Variants in OR2M3 observed in about 807,000 individuals in gnomAD.
OR2M3 encodes the protein olfactory receptor family 2 subfamily M member 3.
In OR2M3, 1 loss-of-function variant was observed where a neutral mutation model predicts 4.3. The observed-to-expected ratio is 0.23, with a 90% CI of 0.08 to 1.11. The LOEUF is 1.11. Among genes scored for constraint, OR2M3 ranks in the 50% most tolerant of loss-of-function variants. The pLI is 0.54. For synonymous variants in OR2M3, 151 were observed against 139.4 expected (o/e 1.08, Z -0.59); for missense variants, 410 against 390.4 (o/e 1.05, Z -0.42).
intron 1 of OR2M3, among the ~76,000 whole-genome samples, chr1:248,202,281 TC>T (rs1057446411): frequency 9.7e-6 from 1 of 103,118 alleles, no homozygotes; most frequent in Non-Finnish European, 2.4e-5. Flanking sequence ...CACACGGTAA[TC>T]CCCAGTGTCT....
chr1:248,200,923 T>C (rs2103013267), intron 1 of OR2M3, among the ~76,000 whole-genome samples: 1 of 152,298 alleles, frequency 6.6e-6, no homozygotes, highest in Middle Eastern at 3.4e-3. Context: ...TCCCTTGCTC[T>C]TCCTAGATTA....
Position 248,207,225 on chromosome 1 carries a change from T to C in OR2M3, c.*3219T>C, listed in dbSNP as rs574781725. 2 of 152,204 alleles carry C rather than the reference T, an allele frequency of 1.3e-5. No individual in the cohort carries two copies. Among genetic ancestry groups the C allele is most frequent in the South Asian group, 4.1e-4 (2 of 4,830 alleles). 9.4% of individuals were successfully genotyped at this position (152,204 alleles called of 1,614,324 possible). On this transcript the variant is annotated 3_prime_UTR_variant, in exon 2 of 2. Transcript: ENST00000641626. The stretch of plus-strand genomic sequence containing the variant: ...CTTTTTTGGTTAATCTTGCTAATGG[T>C]CTATCAACTTTATTCGTCTTTTTAA...
Position 248,212,259 on chromosome 1 carries a change from T to G in OR2M3, c.*8253T>G, listed in dbSNP as rs915415150. 3.3e-5 allele frequency: 5 copies of G among 152,144 alleles called. 1 individual carries two copies. The South Asian group carries it at 1.0e-3, about 32-fold the overall frequency. The allele number at this position is 152,144 out of a possible 1,614,324, so 9.4% of individuals were successfully genotyped here. On this transcript the variant is annotated 3_prime_UTR_variant, in exon 2 of 2. Transcript: ENST00000641626. ...ATTAATTCATAATGCTATACATTAA[T>G]GACTCTAGAATATGCATCACAACCA...
At chr1:248,201,314 T>A (rs1326360386) in intron 1 of OR2M3, among the ~76,000 whole-genome samples, 2 of 152,130 alleles carry the variant, frequency 1.3e-5, no homozygotes, top group Non-Finnish European at 2.9e-5. Context: ...ACTTCCTCAG[T>A]GTCTTTGCCA....
At position 248,203,458 on chromosome 1, in the gene OR2M3, A is replaced by T; in HGVS notation, c.391A>T (p.Arg131Ter). Residue 131 changes from arginine (R) to a stop codon, truncating the protein, a stop_gained, in exon 2 of 2, where the codon AGA becomes TGA. Transcript: ENST00000641626. LOFTEE classifies it low-confidence loss of function (END_TRUNC). ...CTACACTGCCATTTGCCACCCTCTAAGATACACCAATCTCATGAGCCCTAA... is the reference window on the plus strand; with the variant it reads ...CTACACTGCCATTTGCCACCCTCTATGATACACCAATCTCATGAGCCCTAA... ...DRYTAICHPL[R>*]YTNLMSPKIC... 6.2e-7 allele frequency: 1 copy of T among 1,613,870 alleles called. No individual in the cohort carries two copies. The highest frequency in any genetic ancestry group is 8.5e-7 in the Non-Finnish European group (1 of 1,179,904).
Position 248,202,200 on chromosome 1 carries a change from C to A in OR2M3, c.-18-850C>A, listed in dbSNP as rs374414406. 2.6e-5 allele frequency among the ~76,000 whole-genome samples: 4 copies of A among 152,232 alleles called. No individual in the cohort carries two copies. The East Asian group carries it at 7.7e-4, about 29-fold the overall frequency. ...CTGTCCCATTCCTCTCTCCCAGGTT[C>A]TTGTCATAACTAACAGTTGTTGACA... On this transcript the variant is annotated intron_variant, in intron 1 of 1. Coordinates refer to ENST00000641626, the MANE Select transcript of OR2M3 (RefSeq NM_001004689.2).
Position 248,205,861 on chromosome 1 carries a change from T to C in OR2M3, c.*1855T>C, listed in dbSNP as rs969543949. 5 of 152,158 alleles carry C rather than the reference T, an allele frequency of 3.3e-5. No individual in the cohort carries two copies. In the East Asian group the frequency reaches 9.6e-4, roughly 29 times the overall value. The allele number at this position is 152,158 out of a possible 1,614,324, so 9.4% of individuals were successfully genotyped here. A position where few individuals can be genotyped will look rare whatever the true frequency, so the allele number is the denominator to read the frequency against. Reference sequence around the variant, plus strand: ...ATATTTTAGTGGGAATTGCATTGAATTTGTAAATTGCTTTTGGCAGCATGG... The same window carrying C: ...ATATTTTAGTGGGAATTGCATTGAACTTGTAAATTGCTTTTGGCAGCATGG... On this transcript the variant is annotated 3_prime_UTR_variant, in exon 2 of 2. Coordinates refer to ENST00000641626, the MANE Select transcript of OR2M3 (RefSeq NM_001004689.2).
In OR2M3 at chr1:248,203,839, A is replaced by G. The variant is rs751136783; in HGVS notation, c.772A>G (p.Met258Val). ...AATGTACTATGGAGCAGCTTTGTTC[A>G]TGTACATACGGCCCACATCTGATCG... The part of the protein sequence containing the change: ...VGMYYGAALF[M>V]YIRPTSDRSP... Residue 258 changes from methionine to valine, a missense_variant, in exon 2 of 2, where the codon ATG (methionine) becomes GTG (valine). Coordinates refer to ENST00000641626, the MANE Select transcript of OR2M3 (RefSeq NM_001004689.2). 1.1e-5 allele frequency: 17 copies of G among 1,613,430 alleles called. No individual in the cohort carries two copies. Among genetic ancestry groups the G allele is most frequent in the Non-Finnish European group, 1.4e-5 (16 of 1,179,796 alleles).
rs1161471505 is a variant in OR2M3 at position 248,211,770 on chromosome 1, GTGGCA to G, written c.*7768_*7772del. The G allele has an allele frequency of 2.0e-5, 3 of 152,138 alleles. No individual in the cohort carries two copies. Among genetic ancestry groups the G allele is most frequent in the Non-Finnish European group, 4.4e-5 (3 of 68,032 alleles). The allele number at this position is 152,138 out of a possible 1,614,324, so 9.4% of individuals were successfully genotyped here. On this transcript the variant is annotated 3_prime_UTR_variant, in exon 2 of 2. Coordinates refer to ENST00000641626, the MANE Select transcript of OR2M3 (RefSeq NM_001004689.2). ...AAATTTAATTTCCTAATTTGGCCAA[GTGGCA>G]TGGGCTGAGCTAATTTTTGTATTTT...
rs1308470101 is a variant in OR2M3 at position 248,208,888 on chromosome 1, T to A, written c.*4882T>A. 1.3e-5 allele frequency: 2 copies of A among 152,232 alleles called. No individual in the cohort carries two copies. Among genetic ancestry groups the A allele is most frequent in the African/African-American group, 4.8e-5 (2 of 41,468 alleles). The allele number at this position is 152,232 out of a possible 1,614,324, so 9.4% of individuals were successfully genotyped here. ...TGTTTAGATCCAGCAAGGCTGGTAG[T>A]AATTTTCCTCTATTATTCCTTCAAA... On this transcript the variant is annotated 3_prime_UTR_variant, in exon 2 of 2. Coordinates refer to ENST00000641626, the MANE Select transcript of OR2M3 (RefSeq NM_001004689.2).
At position 248,206,760 on chromosome 1, in the gene OR2M3, G is replaced by A. The variant is rs905184122; in HGVS notation, c.*2754G>A. ...CTATGTTCATCAGGGATATTGGTCT[G>A]TAGTCTGTAGTTTTCTTTTTTTGTT... On this transcript the variant is annotated 3_prime_UTR_variant, in exon 2 of 2. Transcript: ENST00000641626. 6.6e-6 allele frequency: 1 copy of A among 151,742 alleles called. No individual in the cohort carries two copies. The highest frequency in any genetic ancestry group is 1.5e-5 in the Non-Finnish European group (1 of 67,754). The allele number at this position is 151,742 out of a possible 1,614,324, so 9.4% of individuals were successfully genotyped here. A position where few individuals can be genotyped will look rare whatever the true frequency, so the allele number is the denominator to read the frequency against.
intron 1 of OR2M3, among the ~76,000 whole-genome samples, chr1:248,202,233 G>A (rs1024362354): frequency 6.6e-6 from 1 of 151,880 alleles, no homozygotes; most frequent in Non-Finnish European, 1.5e-5. Context: ...ACATTTCTTG[G>A]TTTGCAGATG....
rs1666293766 is a variant in OR2M3 at position 248,212,653 on chromosome 1, T to G, written c.*8647T>G. 1 of 152,062 alleles carries G rather than the reference T, an allele frequency of 6.6e-6. No individual in the cohort carries two copies. The highest frequency in any genetic ancestry group is 1.5e-5 in the Non-Finnish European group (1 of 67,974). The allele number at this position is 152,062 out of a possible 1,614,324, so 9.4% of individuals were successfully genotyped here. ...TGTTTTATAATTTTAAACATAATTT[T>G]TTTCTAAGTTAATTGAAATTACTGA... On this transcript the variant is annotated 3_prime_UTR_variant, in exon 2 of 2. Coordinates refer to ENST00000641626, the MANE Select transcript of OR2M3 (RefSeq NM_001004689.2).
intron 1 of OR2M3, among the ~76,000 whole-genome samples, chr1:248,202,209 A>T (rs74155221): frequency 0.017 from 2,634 of 152,180 alleles, 71 homozygotes; most frequent in African/African-American, 0.061. Context: ...TCTTGTCATA[A>T]CTAACAGTTG....
At position 248,211,958 on chromosome 1, in the gene OR2M3, T is replaced by A. The variant is rs1666286845; in HGVS notation, c.*7952T>A. The A allele has an allele frequency of 6.6e-6, 1 of 152,216 alleles. No individual in the cohort carries two copies. The highest frequency in any genetic ancestry group is 2.4e-5 in the African/African-American group (1 of 41,446). 9.4% of individuals were successfully genotyped at this position (152,216 alleles called of 1,614,324 possible). ...TTTTTCTAAAATTGGTCAATTGTTT[T>A]AGCATTTCTGCTCTTTGAATAGGAT... On this transcript the variant is annotated 3_prime_UTR_variant, in exon 2 of 2. Transcript: ENST00000641626.
rs1343222061 is a variant in OR2M3 at position 248,206,025 on chromosome 1, C to T, written c.*2019C>T. On this transcript the variant is annotated 3_prime_UTR_variant, in exon 2 of 2. Coordinates refer to ENST00000641626, the MANE Select transcript of OR2M3 (RefSeq NM_001004689.2). ...TTCACATCCTTGGTTAGGTATACTC[C>T]TTAATATTTTGTGTTGTTGTTGTTA... 6.6e-6 allele frequency: 1 copy of T among 151,768 alleles called. No homozygotes were observed. The highest frequency in any genetic ancestry group is 1.5e-5 in the Non-Finnish European group (1 of 67,870). 9.4% of individuals were successfully genotyped at this position (151,768 alleles called of 1,614,324 possible).
In OR2M3 at chr1:248,205,268, T is replaced by C. The variant is rs974711168; in HGVS notation, c.*1262T>C. On this transcript the variant is annotated 3_prime_UTR_variant, in exon 2 of 2. Coordinates refer to ENST00000641626, the MANE Select transcript of OR2M3 (RefSeq NM_001004689.2). ...TCTATTTACTCTGCTGACCGTTCCTTTTGCAGTGCAAAAGGTCTTTAGTTT... is the reference window on the plus strand; with the variant it reads ...TCTATTTACTCTGCTGACCGTTCCTCTTGCAGTGCAAAAGGTCTTTAGTTT... 12 of 152,124 alleles carry C rather than the reference T, an allele frequency of 7.9e-5. No individual in the cohort carries two copies. Among genetic ancestry groups the C allele is most frequent in the Non-Finnish European group, 4.4e-5 (3 of 68,022 alleles). 9.4% of individuals were successfully genotyped at this position (152,124 alleles called of 1,614,324 possible). A position where few individuals can be genotyped will look rare whatever the true frequency, so the allele number is the denominator to read the frequency against.
intron 1 of OR2M3, 90 bp from the exon 2 acceptor site, chr1:248,202,960 C>T: frequency 1.8e-6 from 2 of 1,118,464 alleles, no homozygotes; most frequent in Non-Finnish European, 2.6e-6. Context: ...CTGTATTGAT[C>T]ACCCAACTAC....
Position 248,206,231 on chromosome 1 carries a change from C to T in OR2M3, c.*2225C>T, listed in dbSNP as rs570282775. The T allele has an allele frequency of 1.3e-5, 2 of 152,182 alleles. No homozygotes were observed. Among genetic ancestry groups the T allele is most frequent in the South Asian group, 2.1e-4 (1 of 4,828 alleles). 9.4% of individuals were successfully genotyped at this position (152,182 alleles called of 1,614,324 possible). ...CGTTAGGGTTTTCTATGTATTCCATCGTATCATCAGCAAACAGCGACAGTT... is the reference window on the plus strand; with the variant it reads ...CGTTAGGGTTTTCTATGTATTCCATTGTATCATCAGCAAACAGCGACAGTT... On this transcript the variant is annotated 3_prime_UTR_variant, in exon 2 of 2. Transcript: ENST00000641626.
Sources: gnomAD v4.1 joint callset for allele counts (sites outside exome capture counted in the v4.1 genomes callset) on GRCh38, gnomAD v4.1.1 for gene constraint, MANE v1.5 for transcripts, NCBI Gene and HGNC (gene_info 2026-07-23, HGNC 2026-07-21) for gene names.